Variants in ADGRG7 observed in about 807,000 individuals in gnomAD.
ADGRG7 encodes G-protein coupled receptor 128.
Under a neutral mutation model 88.6 loss-of-function variants are expected in ADGRG7, and 82 were observed. The ratio of observed to expected loss-of-function variants is 0.93; its 90% CI spans 0.77 to 1.11. The LOEUF (loss-of-function observed/expected upper bound fraction) is 1.11. Ranked by LOEUF, ADGRG7 falls within the 50% of genes most tolerant of loss-of-function variation. The pLI is 0.00. For synonymous variants in ADGRG7, 381 were observed against 345.2 expected (o/e 1.10, Z -1.15); for missense variants, 945 against 953.4 (o/e 0.99, Z 0.12).
In ADGRG7 at chr3:100,637,317, A is replaced by T. The variant is rs1707561568; in HGVS notation, c.613A>T (p.Ile205Leu). ...NASPEAKKVA[I>L]VTVSQLLDAS... ...TCTTTGGCAGGCAAAGAAAGTTGCCATAGTAACAGTGAGTCAACTCCTAGA... is the reference window on the plus strand; with the variant it reads ...TCTTTGGCAGGCAAAGAAAGTTGCCTTAGTAACAGTGAGTCAACTCCTAGA... Residue 205 changes from isoleucine to leucine, a missense_variant, in exon 6 of 16, where the codon ATA becomes TTA. Coordinates refer to ENST00000273352, the MANE Select transcript of ADGRG7 (RefSeq NM_032787.3). The T allele has an allele frequency of 3.1e-6, 5 of 1,613,136 alleles. No individual in the cohort carries two copies. The highest frequency in any genetic ancestry group is 4.2e-6 in the Non-Finnish European group (5 of 1,179,316).
chr3:100,625,495 A>T (rs1039228412), intron 1 of ADGRG7, among the ~76,000 whole-genome samples: 2 of 151,286 alleles, frequency 1.3e-5, no homozygotes, highest in African/African-American at 4.8e-5. Flanking sequence ...AGACAATTTG[A>T]TTTCCTATTT....
At chr3:100,656,224 T>G (rs2094937359) in intron 13 of ADGRG7, among the ~76,000 whole-genome samples, 1 of 152,220 alleles carries the variant, frequency 6.6e-6, no homozygotes, top group Non-Finnish European at 1.5e-5. Flanking sequence ...TTTATAAATG[T>G]GAACTTTCTT....
At chr3:100,672,687 G>T (rs1220989953) in intron 15 of ADGRG7, among the ~76,000 whole-genome samples, 2 of 152,192 alleles carry the variant, frequency 1.3e-5, no homozygotes, top group Non-Finnish European at 2.9e-5. Context: ...GATATTGGCT[G>T]TGGGTTTGTC....
At chr3:100,649,329 A>T (rs2094924650) in intron 10 of ADGRG7, among the ~76,000 whole-genome samples, 1 of 152,228 alleles carries the variant, frequency 6.6e-6, no homozygotes, top group Non-Finnish European at 1.5e-5. Flanking sequence ...CAAAACTGGT[A>T]TATGCAGGTC....
At chr3:100,617,012 A>G (rs1576310820) in intron 1 of ADGRG7, among the ~76,000 whole-genome samples, 1 of 152,290 alleles carries the variant, frequency 6.6e-6, no homozygotes, top group East Asian at 1.9e-4. Context: ...TCAGAAGAGA[A>G]TAGAAAATAT....
intron 3 of ADGRG7, 34 bp downstream of exon 3, chr3:100,630,843 A>G (rs775650184): frequency 8.6e-6 from 10 of 1,163,556 alleles, no homozygotes; most frequent in Non-Finnish European, 1.2e-5. Flanking sequence ...CTCTATGCAT[A>G]AGAATTACTA....
chr3:100,618,882 T>C (rs1277077444), intron 1 of ADGRG7, among the ~76,000 whole-genome samples: 1 of 152,212 alleles, frequency 6.6e-6, no homozygotes, highest in African/African-American at 2.4e-5. Flanking sequence ...TTGTATCCTC[T>C]TTTATTTCAC....
In ADGRG7 at chr3:100,694,945, C is replaced by T. The variant is rs1258552840; in HGVS notation, c.2338C>T (p.Pro780Ser). Residue 780 changes from proline to serine, a missense_variant, in exon 16 of 16, where the codon CCG (proline) becomes TCG (serine). Coordinates refer to ENST00000273352, the MANE Select transcript of ADGRG7 (RefSeq NM_032787.3). ...HERFRLLETSPSTEEITLSES... is the reference protein window; with the variant it reads ...HERFRLLETSSSTEEITLSES... ...ACGCTTTAGGCTACTGGAAACCTCT[C>T]CGAGTACTGAGGAAATCACACTCTC... The T allele has an allele frequency of 1.2e-6, 2 of 1,614,054 alleles. No homozygotes were observed. Among genetic ancestry groups the T allele is most frequent in the African/African-American group, 2.7e-5 (2 of 74,938 alleles).
At chr3:100,631,433 T>G (rs1017730841) in intron 3 of ADGRG7, among the ~76,000 whole-genome samples, 1 of 152,198 alleles carries the variant, frequency 6.6e-6, no homozygotes, top group South Asian at 2.1e-4. Flanking sequence ...TAATGTCTTC[T>G]GAGTGTAGGC....
chr3:100,694,179 C>T (rs1211272216), intron 15 of ADGRG7, among the ~76,000 whole-genome samples: 1 of 152,174 alleles, frequency 6.6e-6, no homozygotes, highest in Non-Finnish European at 1.5e-5. Context: ...GGGTCTGATA[C>T]TGATATGACT....
intron 15 of ADGRG7, among the ~76,000 whole-genome samples, chr3:100,691,203 C>A (rs952101543): frequency 6.6e-6 from 1 of 152,322 alleles, no homozygotes; most frequent in East Asian, 1.9e-4. Context: ...GTTTGTTAAG[C>A]CCATTGGAAA....
At chr3:100,659,316 T>A (rs1456536951) in intron 13 of ADGRG7, among the ~76,000 whole-genome samples, 6 of 151,130 alleles carry the variant, frequency 4.0e-5, no homozygotes, top group Admixed American at 2.6e-4. Context: ...GGCGGGTGCC[T>A]GTAGTCCCAG....
At chr3:100,639,565 C>A (rs1353133434) in intron 6 of ADGRG7, among the ~76,000 whole-genome samples, 5 of 152,238 alleles carry the variant, frequency 3.3e-5, no homozygotes, top group African/African-American at 1.2e-4. Context: ...TTTTTCTTGA[C>A]ATATGAGAAG....
chr3:100,648,599 A>C (rs928822231), intron 10 of ADGRG7, among the ~76,000 whole-genome samples: 4 of 152,308 alleles, frequency 2.6e-5, no homozygotes, highest in Middle Eastern at 3.4e-3. Flanking sequence ...CTATTATGTT[A>C]GCAAACCCCT....
At chr3:100,660,939 C>G (rs1345288560) in intron 14 of ADGRG7, among the ~76,000 whole-genome samples, 3 of 144,658 alleles carry the variant, frequency 2.1e-5, no homozygotes, top group African/African-American at 8.0e-5. Context: ...GCAACAAGAG[C>G]GAAACTCCAT....
At chr3:100,656,026 G>A (rs2094937068) in intron 13 of ADGRG7, 31 bp downstream of exon 13, 1 of 1,365,582 alleles carries the variant, frequency 7.3e-7, no homozygotes, top group Non-Finnish European at 1.0e-6. Flanking sequence ...ATGTCCAATT[G>A]TTTGACCTAA....
At chr3:100,610,662 G>T (rs1707134205) in intron 1 of ADGRG7, among the ~76,000 whole-genome samples, 2 of 152,186 alleles carry the variant, frequency 1.3e-5, no homozygotes, top group African/African-American at 4.8e-5. Flanking sequence ...AACTCAGAAC[G>T]CGAAATTTCA....
chr3:100,628,762 C>A (rs1024006021), intron 1 of ADGRG7, among the ~76,000 whole-genome samples: 1 of 152,180 alleles, frequency 6.6e-6, no homozygotes, highest in African/African-American at 2.4e-5. Flanking sequence ...CCTAACAATT[C>A]TTTCTCAGGT....
chr3:100,680,169 A>G (rs1243881565), intron 15 of ADGRG7, among the ~76,000 whole-genome samples: 2 of 152,216 alleles, frequency 1.3e-5, no homozygotes, highest in African/African-American at 4.8e-5. Flanking sequence ...TTAGATGCAT[A>G]TACATTTATT....
Sources: gnomAD v4.1 joint callset for allele counts (sites outside exome capture counted in the v4.1 genomes callset) on GRCh38, gnomAD v4.1.1 for gene constraint, MANE v1.5 for transcripts, NCBI Gene and HGNC (gene_info 2026-07-23, HGNC 2026-07-21) for gene names.